The following CCSER1 variants were observed in gnomAD, a reference collection of about 807,000 sequenced individuals.
CCSER1 encodes coiled-coil serine rich protein 1.
In CCSER1, 41 loss-of-function variants were observed where a neutral mutation model predicts 82.0. That is an observed-to-expected ratio of 0.50 (90% CI 0.39 to 0.65). The LOEUF (loss-of-function observed/expected upper bound fraction) is 0.65, where lower values mean the gene tolerates loss of function less well. CCSER1 is among the 30% of genes least tolerant of loss of function. The pLI, the probability that CCSER1 is intolerant of heterozygous loss-of-function variation, is 0.00. For missense variants in CCSER1, 1,119 were observed against 1,064.2 expected (o/e 1.05, Z -0.72); for synonymous variants, 414 against 383.9 (o/e 1.08, Z -0.92).
At chr4:91,408,589 C>T (rs1021301305) in intron 10 of CCSER1, among the ~76,000 whole-genome samples, 3 of 152,158 alleles carry the variant, frequency 2.0e-5, no homozygotes, top group Admixed American at 2.0e-4. Context: ...ATTTTATTTG[C>T]CTGCAATCTG....
chr4:91,493,200 CATTTATGTTAG>C (rs1211557007), intron 10 of CCSER1, among the ~76,000 whole-genome samples: 1 of 150,510 alleles, frequency 6.6e-6, no homozygotes, highest in Non-Finnish European at 1.5e-5. Flanking sequence ...ATCCTTATAT[CATTTATGTTAG>C]ATTTATACAC....
chr4:91,314,493 C>T (rs963970013), intron 10 of CCSER1, among the ~76,000 whole-genome samples: 2 of 151,968 alleles, frequency 1.3e-5, no homozygotes, highest in Admixed American at 6.6e-5. Context: ...AATAACTCAC[C>T]ATTGTCTACA....
chr4:90,249,851 T>A (rs1722075698), intron 1 of CCSER1, among the ~76,000 whole-genome samples: 1 of 152,134 alleles, frequency 6.6e-6, no homozygotes, highest in African/African-American at 2.4e-5. Context: ...CCATTTTATA[T>A]TTCCATCAGC....
intron 1 of CCSER1, among the ~76,000 whole-genome samples, chr4:90,215,367 T>C (rs1157836774): frequency 1.3e-5 from 2 of 152,248 alleles, no homozygotes; most frequent in Non-Finnish European, 2.9e-5. Flanking sequence ...CACCAAAGTA[T>C]ATATTTCTTA....
chr4:90,729,719 C>A (rs1002382861), intron 7 of CCSER1, among the ~76,000 whole-genome samples: 1 of 151,676 alleles, frequency 6.6e-6, no homozygotes, highest in Non-Finnish European at 1.5e-5. Context: ...ACTAAAAATA[C>A]AAAAAAATTA....
intron 9 of CCSER1, among the ~76,000 whole-genome samples, chr4:90,945,450 C>T (rs566099621): frequency 5.3e-4 from 81 of 152,084 alleles, no homozygotes; most frequent in Non-Finnish European, 9.6e-4. Flanking sequence ...CAAAATACTT[C>T]AGATGTTGTT....
intron 10 of CCSER1, among the ~76,000 whole-genome samples, chr4:91,182,406 A>G (rs1734127774): frequency 6.6e-6 from 1 of 152,200 alleles, no homozygotes; most frequent in Non-Finnish European, 1.5e-5. Context: ...TACGTGCTGT[A>G]CAGCTGCTGA....
At chr4:90,464,851 A>G (rs1220686753) in intron 4 of CCSER1, among the ~76,000 whole-genome samples, 1 of 152,234 alleles carries the variant, frequency 6.6e-6, no homozygotes, top group Non-Finnish European at 1.5e-5. Flanking sequence ...TGTGAATAAA[A>G]TTTTTTATGC....
chr4:91,164,164 A>G (rs1416990300), intron 10 of CCSER1, among the ~76,000 whole-genome samples: 1 of 151,846 alleles, frequency 6.6e-6, no homozygotes, highest in Admixed American at 6.6e-5. Context: ...GTCTGTAAAG[A>G]ATTTTATTTC....
chr4:91,251,060 C>G (rs1368822255), intron 10 of CCSER1, among the ~76,000 whole-genome samples: 5 of 152,140 alleles, frequency 3.3e-5, no homozygotes, highest in African/African-American at 1.2e-4. Flanking sequence ...ACCCATTGTC[C>G]TCACTATAGA....
At chr4:90,303,337 C>T (rs886247859) in intron 1 of CCSER1, among the ~76,000 whole-genome samples, 3 of 151,954 alleles carry the variant, frequency 2.0e-5, no homozygotes, top group Non-Finnish European at 2.9e-5. Context: ...GAGCCTGCAT[C>T]GCCAAGTCAA....
At position 91,196,178 on chromosome 4, in the gene CCSER1, C is replaced by CAAAAAAAA. The variant is rs61336014; in HGVS notation, c.2217+110196_2217+110203dup. On this transcript the variant is annotated intron_variant, in intron 10 of 10. Transcript: ENST00000509176. ...GTCCGGCCTGGGCCAAACAGCGAGA[C>CAAAAAAAA]AAAAAAAAAAAAAAAAAAAGACAAA... Among the ~76,000 whole-genome samples the CAAAAAAAA allele has an allele frequency of 7.3e-3, 444 of 60,768 alleles. 5 individuals are homozygous for CAAAAAAAA. Among genetic ancestry groups the CAAAAAAAA allele is most frequent in the African/African-American group, 0.018 (417 of 23,480 alleles). 39.9% of individuals were successfully genotyped at this position (60,768 alleles called of 152,430 possible). A position where few individuals can be genotyped will look rare whatever the true frequency, so the allele number is the denominator to read the frequency against.
chr4:91,421,507 AT>A (rs1450392810), intron 10 of CCSER1, among the ~76,000 whole-genome samples: 2 of 152,092 alleles, frequency 1.3e-5, no homozygotes, highest in Non-Finnish European at 2.9e-5. Context: ...CCTTTTACTA[AT>A]TTTTTGTTAT....
chr4:90,691,638 C>A (rs1358841755), intron 6 of CCSER1, among the ~76,000 whole-genome samples: 1 of 151,292 alleles, frequency 6.6e-6, no homozygotes, highest in African/African-American at 2.4e-5. Context: ...GTATATATAT[C>A]ACATGTATAT....
At chr4:91,285,247 G>GTT (rs35662705) in intron 10 of CCSER1, among the ~76,000 whole-genome samples, 6 of 133,534 alleles carry the variant, frequency 4.5e-5, no homozygotes, top group Non-Finnish European at 4.9e-5. Flanking sequence ...ACTTCAATGG[G>GTT]TTTTTTTTTT....
intron 10 of CCSER1, among the ~76,000 whole-genome samples, chr4:91,206,294 G>A (rs1304109522): frequency 6.6e-6 from 1 of 151,862 alleles, no homozygotes; most frequent in Admixed American, 6.6e-5. Context: ...GATTCAGTAG[G>A]CATTCTTGTA....
intron 9 of CCSER1, among the ~76,000 whole-genome samples, chr4:91,082,317 C>T (rs62312171): frequency 0.3 from 44,943 of 152,068 alleles, 7,901 homozygotes; most frequent in East Asian, 0.45. Flanking sequence ...GGAAAGGATT[C>T]CCTATTTAAT....
chr4:91,302,602 C>T (rs1372924864), intron 10 of CCSER1, among the ~76,000 whole-genome samples: 2 of 151,968 alleles, frequency 1.3e-5, no homozygotes, highest in African/African-American at 4.8e-5. Context: ...TCTCCTATGG[C>T]TTATTTATTG....
At chr4:91,445,466 A>C (rs1755495073) in intron 10 of CCSER1, among the ~76,000 whole-genome samples, 1 of 151,558 alleles carries the variant, frequency 6.6e-6, no homozygotes, top group South Asian at 2.1e-4. Flanking sequence ...CTTTCTCCCA[A>C]GCGGTCACAG....
Sources: gnomAD v4.1 joint callset for allele counts (sites outside exome capture counted in the v4.1 genomes callset) on GRCh38, gnomAD v4.1.1 for gene constraint, MANE v1.5 for transcripts, NCBI Gene and HGNC (gene_info 2026-07-23, HGNC 2026-07-21) for gene names.